Variants in MORN5 observed in about 807,000 individuals in gnomAD.
MORN5 encodes MORN repeat containing 5.
Under a neutral mutation model 22.1 loss-of-function variants are expected in MORN5, and 21 were observed. The observed-to-expected ratio is 0.95, with a 90% CI of 0.67 to 1.37. The LOEUF (loss-of-function observed/expected upper bound fraction) is 1.37, where lower values mean the gene tolerates loss of function less well. Among genes scored for constraint, MORN5 ranks in the 40% most tolerant of loss-of-function variants. The pLI is 0.00. For synonymous variants in MORN5, 73 were observed against 74.0 expected (o/e 0.99, Z 0.07); for missense variants, 211 against 215.1 (o/e 0.98, Z 0.12).
chr9:122,165,322 G>C (rs913622713), intron 1 of MORN5, among the ~76,000 whole-genome samples: 3 of 149,784 alleles, frequency 2.0e-5, no homozygotes, highest in African/African-American at 7.5e-5. Context: ...ATTTTGGGAG[G>C]CTGAGGCAGG....
chr9:122,160,084 T>C, intron 1 of MORN5, 65 bp downstream of exon 1: 3 of 1,483,034 alleles, frequency 2.0e-6, no homozygotes, highest in Admixed American at 2.0e-5. Context: ...AGACGGCTTT[T>C]TGCTTCTGCG....
chr9:122,166,294 A>ATATATATATATAT (rs200859903), intron 1 of MORN5, among the ~76,000 whole-genome samples: 3 of 151,718 alleles, frequency 2.0e-5, no homozygotes, highest in African/African-American at 7.3e-5. Flanking sequence ...ATATATATAT[A>ATATATATATATAT]ATGGTGGTAA....
intron 1 of MORN5, among the ~76,000 whole-genome samples, chr9:122,165,395 C>CAAAAA (rs59306308): frequency 7.2e-4 from 60 of 82,806 alleles, no homozygotes; most frequent in African/African-American, 2.4e-3. Flanking sequence ...CCCGTCTCTA[C>CAAAAA]AAAAAAAAAA....
At chr9:122,199,342 C>T (rs998369723) in intron 4 of MORN5, among the ~76,000 whole-genome samples, 8 of 152,290 alleles carry the variant, frequency 5.3e-5, no homozygotes, top group East Asian at 3.9e-4. Flanking sequence ...GGAGACACTG[C>T]GTTTAGGGCT....
At chr9:122,195,850 C>T (rs886847399) in intron 4 of MORN5, among the ~76,000 whole-genome samples, 4 of 152,112 alleles carry the variant, frequency 2.6e-5, no homozygotes, top group East Asian at 1.9e-4. Flanking sequence ...TTCTCCTGCA[C>T]GGATTTGTCT....
chr9:122,172,318 G>C (rs1366857455), intron 3 of MORN5, among the ~76,000 whole-genome samples: 1 of 142,522 alleles, frequency 7.0e-6, no homozygotes, highest in Non-Finnish European at 1.5e-5. Context: ...CCCCTTGAGT[G>C]CTCCCTATAC....
At chr9:122,180,192 G>T (rs990268300) in intron 4 of MORN5, among the ~76,000 whole-genome samples, 1 of 151,936 alleles carries the variant, frequency 6.6e-6, no homozygotes, top group South Asian at 2.1e-4. Context: ...CCGCAGTAAG[G>T]AATGTTTTAC....
chr9:122,179,543 C>T (rs1829503488), intron 4 of MORN5, among the ~76,000 whole-genome samples: 1 of 152,090 alleles, frequency 6.6e-6, no homozygotes, highest in African/African-American at 2.4e-5. Flanking sequence ...TGGGCCAATG[C>T]CTTCCCTCTC....
chr9:122,194,261 A>G (rs1171534133), intron 4 of MORN5, among the ~76,000 whole-genome samples: 1 of 152,122 alleles, frequency 6.6e-6, no homozygotes, highest in Non-Finnish European at 1.5e-5. Context: ...TTCATTCATT[A>G]ATTCAAAAGC....
At chr9:122,176,804 G>T (rs1274975185) in intron 4 of MORN5, among the ~76,000 whole-genome samples, 2 of 152,122 alleles carry the variant, frequency 1.3e-5, no homozygotes, top group Admixed American at 1.3e-4. Flanking sequence ...CTTGAACCTG[G>T]GAGGCGGAGG....
At chr9:122,176,117 CAA>C (rs747126842) in intron 4 of MORN5, among the ~76,000 whole-genome samples, 7 of 51,362 alleles carry the variant, frequency 1.4e-4, no homozygotes, top group Non-Finnish European at 8.4e-5. Context: ...GACTCCGTCT[CAA>C]AAAAAAAAAA....
At chr9:122,163,929 G>GC (rs1829238668) in intron 1 of MORN5, among the ~76,000 whole-genome samples, 1 of 152,130 alleles carries the variant, frequency 6.6e-6, no homozygotes, top group Admixed American at 6.5e-5. Flanking sequence ...GAGTGCTCTG[G>GC]CTGGAGTGCA....
intron 4 of MORN5, among the ~76,000 whole-genome samples, chr9:122,193,053 C>T (rs1439113832): frequency 6.6e-6 from 1 of 152,110 alleles, no homozygotes; most frequent in African/African-American, 2.4e-5. Flanking sequence ...GACTTCGGCT[C>T]AGGGAAGGCT....
chr9:122,166,724 C>T (rs761792455), intron 1 of MORN5, 44 bp from the exon 2 acceptor site: 1 of 1,581,640 alleles, frequency 6.3e-7, no homozygotes, highest in Non-Finnish European at 8.6e-7. Context: ...CTCTGATCCT[C>T]CAGCTGTCAC....
At position 122,197,251 on chromosome 9, in the gene MORN5, T is replaced by TG. The variant is rs1829912047; in HGVS notation, c.440-2633dup. ...ACAATTGATTAAAGAGTTTGTGGGG[T>TG]GTTTTTCCCCCATCTTTTTTCTCCC... On this transcript the variant is annotated intron_variant, in intron 4 of 4. Coordinates refer to ENST00000373764, the MANE Select transcript of MORN5 (RefSeq NM_198469.4). The surrounding 1 kb of genome is among the most constrained non-coding windows in gnomAD (Gnocchi z 5.7). Among the ~76,000 whole-genome samples, 4 of 146,030 alleles carry TG rather than the reference T, an allele frequency of 2.7e-5. No individual in the cohort carries two copies. Among genetic ancestry groups the TG allele is most frequent in the African/African-American group, 1.1e-4 (4 of 36,838 alleles).
At chr9:122,199,690 G>A (rs1829969851) in intron 4 of MORN5, among the ~76,000 whole-genome samples, 195 bp from the exon 5 acceptor site, 1 of 152,152 alleles carries the variant, frequency 6.6e-6, no homozygotes, top group Admixed American at 6.5e-5. Context: ...AAACCCTTCT[G>A]TGTTCAATTT....
At chr9:122,175,291 C>T (rs1211788841) in intron 4 of MORN5, 1 of 196,532 alleles carries the variant, frequency 5.1e-6, no homozygotes, top group East Asian at 1.9e-4. Context: ...CAGGCAACGG[C>T]CTAGAGGGGA....
intron 4 of MORN5, among the ~76,000 whole-genome samples, chr9:122,187,238 C>T (rs553036523): frequency 1.3e-5 from 2 of 152,372 alleles, no homozygotes; most frequent in South Asian, 2.1e-4. Flanking sequence ...CTTAACTCCA[C>T]ATCCCAAAGG....
At chr9:122,171,440 C>T (rs949459613) in intron 3 of MORN5, among the ~76,000 whole-genome samples, 1 of 152,128 alleles carries the variant, frequency 6.6e-6, no homozygotes, top group Non-Finnish European at 1.5e-5. Context: ...CAGTTATTCA[C>T]GTTGAGGTTC....
Sources: gnomAD v4.1 joint callset for allele counts (sites outside exome capture counted in the v4.1 genomes callset) on GRCh38, gnomAD v4.1.1 for gene constraint, Gnocchi (gnomAD v3.1) non-coding constraint, MANE v1.5 for transcripts, NCBI Gene and HGNC (gene_info 2026-07-23, HGNC 2026-07-21) for gene names.